Variants in MXI1 observed in about 807,000 individuals in gnomAD.
MXI1 encodes MAX interactor 1, dimerization protein, also known as max-interacting protein 1.
MXI1 carries 18 observed loss-of-function variants against 36.9 expected under a neutral mutation model. The observed-to-expected ratio is 0.49, with a 90% CI of 0.34 to 0.72. MXI1 has a LOEUF of 0.72. MXI1 is among the 30% of genes least tolerant of loss of function. The probability of loss-of-function intolerance (pLI) is 0.01; values close to 1 mark genes in which losing one functional copy is unlikely to be tolerated. For synonymous variants in MXI1, 160 were observed against 146.7 expected (o/e 1.09, Z -0.65); for missense variants, 304 against 379.1 (o/e 0.80, Z 1.64).
intron 3 of MXI1, among the ~76,000 whole-genome samples, chr10:110,275,239 C>G (rs552740408): frequency 6.6e-6 from 1 of 152,114 alleles, no homozygotes; most frequent in South Asian, 2.1e-4. Flanking sequence ...TTTTCCTTCC[C>G]CCAAAGTCTT....
chr10:110,261,264 T>C (rs79854674), intron 3 of MXI1: 27,935 of 519,340 alleles, frequency 0.054, 1,001 homozygotes, highest in Middle Eastern at 0.14. Context: ...ACATGTCTAC[T>C]GTTTATTTTT....
rs1272726082 is a variant in MXI1 at position 110,207,693 on chromosome 10, GC to G, written c.-115del. On this transcript the variant is annotated 5_prime_UTR_variant, in exon 1 of 6. Coordinates refer to ENST00000332674, the MANE Select transcript of MXI1 (RefSeq NM_130439.3). ...CAGCGAGGCTCGGGAAGTCAGGCCG[GC>G]TTTTCGCCCCGGCGCCTTCTCTGCT... 6 of 594,872 alleles carry G rather than the reference GC, an allele frequency of 1.0e-5. No homozygotes were observed. In the East Asian group the frequency reaches 7.3e-4, roughly 73 times the overall value. The allele number at this position is 594,872 out of a possible 1,614,324, so 36.8% of individuals were successfully genotyped here.
chr10:110,211,090 T>G (rs1216742787), intron 1 of MXI1, among the ~76,000 whole-genome samples: 1 of 138,284 alleles, frequency 7.2e-6, no homozygotes, highest in Non-Finnish European at 1.5e-5. Flanking sequence ...TTTTTTTTTT[T>G]CGGTCACTAC....
chr10:110,270,315 C>A (rs1007621448), intron 3 of MXI1, among the ~76,000 whole-genome samples: 1 of 152,246 alleles, frequency 6.6e-6, no homozygotes, highest in Non-Finnish European at 1.5e-5. Context: ...GGGAAGTATG[C>A]ATAGAAACTA....
chr10:110,244,263 AT>A (rs1211253146), intron 2 of MXI1, among the ~76,000 whole-genome samples: 1 of 151,654 alleles, frequency 6.6e-6, no homozygotes, highest in Non-Finnish European at 1.5e-5. Context: ...TTATTAATAT[AT>A]TTTTTCTTTA....
rs528133883 is a variant in MXI1 at position 110,227,529 on chromosome 10, C to T, written c.275-660C>T. On this transcript the variant is annotated intron_variant, in intron 1 of 5. Coordinates refer to ENST00000332674, the MANE Select transcript of MXI1 (RefSeq NM_130439.3). ...GACCGTGGAGAAGCTTGGAGGGCCC[C>T]GGAGCGGGAGAGGGTGCTGGGAGAT... 4.1e-6 allele frequency: 4 copies of T among 966,434 alleles called. No individual in the cohort carries two copies. In the African/African-American group the frequency reaches 5.8e-5, roughly 14 times the overall value. The allele number at this position is 966,434 out of a possible 1,614,324, so 59.9% of individuals were successfully genotyped here. A position where few individuals can be genotyped will look rare whatever the true frequency, so the allele number is the denominator to read the frequency against.
chr10:110,208,175 C>G lies in MXI1; in HGVS notation c.274+93C>G, dbSNP rs1047286712. ...CTGTTGCGAGCTCGGCCCGTCCCCC[C>G]CCCGCCCAACATACACATCCAGCCC... On this transcript the variant is annotated intron_variant, in intron 1 of 5. Transcript: ENST00000332674. The G allele has an allele frequency of 1.4e-4, 180 of 1,332,294 alleles. 1 individual carries two copies. The highest frequency in any genetic ancestry group is 1.2e-3 in the East Asian group (38 of 32,728). 82.5% of individuals were successfully genotyped at this position (1,332,294 alleles called of 1,614,324 possible).
At chr10:110,231,963 C>G (rs1275071173) in intron 2 of MXI1, among the ~76,000 whole-genome samples, 1 of 150,764 alleles carries the variant, frequency 6.6e-6, no homozygotes, top group East Asian at 2.0e-4. Context: ...ACCTGGTGTC[C>G]CTGCAACTAC....
At position 110,236,126 on chromosome 10, in the gene MXI1, T is replaced by G. The variant is rs1855463910; in HGVS notation, c.407+7805T>G. 1.8e-4 allele frequency among the ~76,000 whole-genome samples: 6 copies of G among 33,692 alleles called. 1 individual carries two copies. In the East Asian group the frequency reaches 7.1e-3, roughly 40 times the overall value. 22.1% of individuals were successfully genotyped at this position (33,692 alleles called of 152,430 possible). On this transcript the variant is annotated intron_variant, in intron 2 of 5. Coordinates refer to ENST00000332674, the MANE Select transcript of MXI1 (RefSeq NM_130439.3). ...GGTGTGAAGTAAAGGTTGAAGTTCT[T>G]TTTTTTTTTTTTTTTTTTTTTTTTT... is the stretch of plus-strand genomic sequence containing the variant.
chr10:110,226,063 G>A (rs1854955957), intron 1 of MXI1: 12 of 1,010,800 alleles, frequency 1.2e-5, no homozygotes, highest in Middle Eastern at 4.8e-4. Flanking sequence ...CGGCAGGGGC[G>A]GCGGAGAGCG....
rs1854406202 is a variant in MXI1, at chr10:110,208,095, G to A, written c.274+13G>A. On this transcript the variant is annotated intron_variant, in intron 1 of 5. Coordinates refer to ENST00000332674, the MANE Select transcript of MXI1 (RefSeq NM_130439.3). ...AAAGAAAACAAAAGTAAGTTTGGGG[G>A]CCCCTGCTCTTCCTCGGCGCCCGGT... 1 of 1,571,182 alleles carries A rather than the reference G, an allele frequency of 6.4e-7. No homozygotes were observed. The highest frequency in any genetic ancestry group is 2.5e-5 in the East Asian group (1 of 39,834).
At chr10:110,227,579 T>C (rs200145140) in intron 1 of MXI1, 4 of 613,686 alleles carry the variant, frequency 6.5e-6, no homozygotes, top group Non-Finnish European at 7.5e-6. Context: ...ACACGGATGC[T>C]GGGGGGGGTC....
At chr10:110,216,628 G>GTTCT (rs1006549652) in intron 1 of MXI1, among the ~76,000 whole-genome samples, 12 of 138,714 alleles carry the variant, frequency 8.7e-5, no homozygotes, top group African/African-American at 3.4e-4. Context: ...AAAAGGAGTA[G>GTTCT]TTCTTTCCCT....
At chr10:110,250,026 A>G (rs1193300754) in intron 3 of MXI1, among the ~76,000 whole-genome samples, 1 of 152,170 alleles carries the variant, frequency 6.6e-6, no homozygotes, top group Non-Finnish European at 1.5e-5. Context: ...GGGAAGCCTA[A>G]TGGTGGAGAT....
intron 1 of MXI1, chr10:110,226,377 C>A: frequency 1.7e-6 from 2 of 1,167,916 alleles, no homozygotes; most frequent in Non-Finnish European, 1.1e-6. Flanking sequence ...GTGTGAGGTG[C>A]GCGCATGAGG....
intron 1 of MXI1, among the ~76,000 whole-genome samples, chr10:110,209,606 G>A (rs770815026): frequency 6.6e-6 from 1 of 152,230 alleles, no homozygotes; most frequent in Non-Finnish European, 1.5e-5. Context: ...TTGCGAGAAA[G>A]GCGCATCGCA....
chr10:110,244,761 T>G (rs1205981214), intron 2 of MXI1, 67 bp from the exon 3 acceptor site: 13 of 1,365,514 alleles, frequency 9.5e-6, no homozygotes, highest in Non-Finnish European at 1.2e-5. Context: ...TAGCAGTAAC[T>G]AATCTGTCTT....
chr10:110,250,794 T>C (rs570323902), intron 3 of MXI1, among the ~76,000 whole-genome samples: 32 of 145,614 alleles, frequency 2.2e-4, no homozygotes, highest in African/African-American at 8.1e-4. Context: ...ATCACACCAC[T>C]GCATTCCAGC....
At chr10:110,279,405 T>G in intron 4 of MXI1, 111 bp downstream of exon 4, 1 of 853,078 alleles carries the variant, frequency 1.2e-6, no homozygotes, top group Admixed American at 2.3e-5. Context: ...CCTTAATAAC[T>G]GACCTCAAGA....
Sources: allele counts gnomAD v4.1 joint callset (sites outside exome capture counted in the v4.1 genomes callset), GRCh38; gene constraint gnomAD v4.1.1; transcripts MANE v1.5; gene names NCBI Gene and HGNC (gene_info 2026-07-23, HGNC 2026-07-21).